Variants in RBSN observed in about 807,000 individuals in gnomAD.
RBSN encodes rabenosyn, RAB effector.
In RBSN, 34 loss-of-function variants were observed where a neutral mutation model predicts 60.5. The ratio of observed to expected loss-of-function variants is 0.56; its 90% CI spans 0.43 to 0.75. The LOEUF (loss-of-function observed/expected upper bound fraction) is 0.75, where lower values mean the gene tolerates loss of function less well. Ranked by LOEUF, RBSN falls within the 30% of genes least tolerant of loss-of-function variation. The pLI is 0.00. For synonymous variants in RBSN, 322 were observed against 366.9 expected, an observed-to-expected ratio of 0.88 and a Z score of 1.40; for missense variants, 845 against 986.8, an observed-to-expected ratio of 0.86 and a Z score of 1.92.
rs1478145484 is a variant in RBSN at position 15,070,947 on chromosome 3, CTGAGTAGCTGGGAT to C, written c.*2821_*2834del. 1 of 152,406 alleles carries C rather than the reference CTGAGTAGCTGGGAT, an allele frequency of 6.6e-6. No individual in the cohort carries two copies. Among genetic ancestry groups the C allele is most frequent in the African/African-American group, 2.4e-5 (1 of 41,412 alleles). The allele number at this position is 152,406 out of a possible 1,614,324, so 9.4% of individuals were successfully genotyped here. A position where few individuals can be genotyped will look rare whatever the true frequency, so the allele number is the denominator to read the frequency against. ...AAGCGATTCTCGTGCCTCAGCCTCC[CTGAGTAGCTGGGAT>C]TACAGGCGTCTGCCACCACGCCCAG... On this transcript the variant is annotated 3_prime_UTR_variant, in exon 14 of 14. Coordinates refer to ENST00000253699, the MANE Select transcript of RBSN (RefSeq NM_022340.4).
At position 15,074,469 on chromosome 3, in the gene RBSN, A is replaced by T. The variant is rs1156396012; in HGVS notation, c.1668T>A (p.Pro556=). 6.2e-7 allele frequency: 1 copy of T among 1,614,196 alleles called. No individual in the cohort carries two copies. ...GCTCTCTGCTGGGCTCCAGCTGAAA[A>T]GGGCCGATTTCTCTGAAGTCCAGGG... The part of the protein sequence containing the change: ...TRSLDFREIG[P]FQLEPSREPR... Residue 556 remains proline (P), a synonymous_variant, in exon 14 of 14, where the codon CCT becomes CCA. Transcript: ENST00000253699. This position sits in a 1 kb window ranked among gnomAD's most constrained non-coding sequence, Gnocchi z 6.4.
In RBSN at chr3:15,073,871, A is replaced by G. The variant is rs1432112821; in HGVS notation, c.2266T>C (p.Cys756Arg). Residue 756 changes from cysteine to arginine, a missense_variant, in exon 14 of 14, where the codon TGC (cysteine) becomes CGC (arginine). Transcript: ENST00000253699. ...IKAYIFDAKQ[C>R]GRLDEVEVLT... ...ACCTCTACCTCATCCAGGCGGCCGC[A>G]CTGCTTGGCATCAAAGATGTATGCC... 6.2e-7 allele frequency: 1 copy of G among 1,613,956 alleles called. No homozygotes were observed. The highest frequency in any genetic ancestry group is 1.7e-5 in the Admixed American group (1 of 60,012).
Position 15,070,213 on chromosome 3 carries a change from GACC to G in RBSN, c.*3566_*3568del, listed in dbSNP as rs1373420416. On this transcript the variant is annotated 3_prime_UTR_variant, in exon 14 of 14. Coordinates refer to ENST00000253699, the MANE Select transcript of RBSN (RefSeq NM_022340.4). ...GCTACAGTCTGTGACCTGGTAAAGA[GACC>G]ACCTTTTCATTTTGAGTCCCATCAC... The G allele has an allele frequency of 6.6e-6, 1 of 152,602 alleles. No homozygotes were observed. Among genetic ancestry groups the G allele is most frequent in the Non-Finnish European group, 1.5e-5 (1 of 68,042 alleles). The allele number at this position is 152,602 out of a possible 1,614,324, so 9.5% of individuals were successfully genotyped here.
At chr3:15,096,754 T>C (rs546479686) in intron 2 of RBSN, 44 bp from the exon 3 acceptor site, 13 of 152,210 alleles carry the variant, frequency 8.5e-5, no homozygotes, top group African/African-American at 2.9e-4. Context: ...GTATCTGCCA[T>C]AAAAACATAC....
intron 2 of RBSN, among the ~76,000 whole-genome samples, chr3:15,097,708 A>G (rs558262692): frequency 1.9e-4 from 29 of 152,210 alleles, no homozygotes; most frequent in Non-Finnish European, 4.0e-4. Flanking sequence ...TTTCTCCCCA[A>G]GAACCTGGGG....
intron 5 of RBSN, among the ~76,000 whole-genome samples, chr3:15,089,456 C>CAAAAAAAAAAAA (rs757156425): frequency 2.9e-4 from 9 of 31,438 alleles, no homozygotes; most frequent in Non-Finnish European, 4.3e-4. Flanking sequence ...ACTCCATCTC[C>CAAAAAAAAAAAA]AAAAAAAAAA....
chr3:15,078,691 C>T (rs866920065), intron 10 of RBSN, among the ~76,000 whole-genome samples: 3 of 141,788 alleles, frequency 2.1e-5, no homozygotes, highest in African/African-American at 5.3e-5. Context: ...AACTGGGAGG[C>T]GGAGGTTGCA....
At chr3:15,095,886 T>C in intron 4 of RBSN, 87 bp downstream of exon 4, 1 of 1,570,154 alleles carries the variant, frequency 6.4e-7, no homozygotes. Context: ...ATCATATTCC[T>C]GTGGCAACAC....
rs776843735 is a variant in RBSN at position 15,074,291 on chromosome 3, T to C, written c.1846A>G (p.Met616Val). 28 of 1,613,864 alleles carry C rather than the reference T, an allele frequency of 1.7e-5. No individual in the cohort carries two copies. Among genetic ancestry groups the C allele is most frequent in the Non-Finnish European group, 2.2e-5 (26 of 1,179,940 alleles). ...VGQERLPQSS[M>V]PQQHEGPSLN... is the part of the protein sequence containing the mutation. ...GAGGGCCCCTCATGTTGCTGTGGCATGCTGCTCTGGGGTAAGCGCTCCTGG... is the reference window on the plus strand; with the variant it reads ...GAGGGCCCCTCATGTTGCTGTGGCACGCTGCTCTGGGGTAAGCGCTCCTGG... Residue 616 changes from methionine to valine, a missense_variant, in exon 14 of 14, where the codon ATG (methionine) becomes GTG (valine). By Grantham distance (21) the Met-to-Val change is conservative. Coordinates refer to ENST00000253699, the MANE Select transcript of RBSN (RefSeq NM_022340.4). The surrounding 1 kb of genome is among the most constrained non-coding windows in gnomAD (Gnocchi z 6.4).
In RBSN at chr3:15,091,492, AT is replaced by A. The variant is rs779646264; in HGVS notation, c.149-954del. The A allele has an allele frequency of 6.8e-5, 87 of 1,287,160 alleles. No homozygotes were observed. The Middle Eastern group carries it at 1.3e-3, about 19-fold the overall frequency. 79.7% of individuals were successfully genotyped at this position (1,287,160 alleles called of 1,614,324 possible). On this transcript the variant is annotated intron_variant, in intron 4 of 13. Transcript: ENST00000253699. ...AAAAGCTTCAAGAAACAGATATAACATCTACAACATAACACAAACAGAACCA... is the reference window on the plus strand; with the variant it reads ...AAAAGCTTCAAGAAACAGATATAACACTACAACATAACACAAACAGAACCA...
In RBSN at chr3:15,084,540, A is replaced by G. The variant is rs1235128443; in HGVS notation, c.598+195T>C. 6.6e-6 allele frequency among the ~76,000 whole-genome samples: 1 copy of G among 152,238 alleles called. No individual in the cohort carries two copies. ...TTTACAAAGTTTGCCAATCCCTGTT[A>G]TAGACCACTGTATCCCTGGCCCCTA... On this transcript the variant is annotated intron_variant, in intron 8 of 13. Coordinates refer to ENST00000253699, the MANE Select transcript of RBSN (RefSeq NM_022340.4). The surrounding 1 kb of genome is among the most constrained non-coding windows in gnomAD (Gnocchi z 4.2).
intron 12 of RBSN, among the ~76,000 whole-genome samples, chr3:15,076,756 T>A (rs549510971): frequency 6.6e-6 from 1 of 152,268 alleles, no homozygotes; most frequent in Non-Finnish European, 1.5e-5. Context: ...GGAAAACGGT[T>A]AAAGAATGGC....
chr3:15,095,197 AT>A (rs1467175032), intron 4 of RBSN, among the ~76,000 whole-genome samples: 10 of 150,254 alleles, frequency 6.7e-5, no homozygotes, highest in African/African-American at 1.7e-4. Flanking sequence ...TTTTTTTTTA[AT>A]TTTTTTTGTG....
At position 15,096,029 on chromosome 3, in the gene RBSN, G is replaced by C. The variant is rs1278417676; in HGVS notation, c.92C>G (p.Ser31Ter). ...CCCTGAGTGTTCTTCCTCGTAATGT[G>C]AGTGAAGCTGATAGAAAGACTGCAG... ...KDLQSFYQLH[S>*]HYEEEHSGED... The change falls in exon 4 of 14, where the codon TCA (serine) becomes TGA (stop). Residue 31 changes from serine (S) to a stop codon, truncating the protein, a stop_gained. Transcript: ENST00000253699. LOFTEE classifies it high-confidence loss of function. 1.2e-6 allele frequency: 2 copies of C among 1,614,072 alleles called. No individual in the cohort carries two copies. The highest frequency in any genetic ancestry group is 2.2e-5 in the East Asian group (1 of 44,894).
rs140260724 is a variant in RBSN at position 15,087,244 on chromosome 3, G to C, written c.290-1283C>G. 4.7e-3 allele frequency among the ~76,000 whole-genome samples: 713 copies of C among 152,262 alleles called. 7 individuals carry two copies. Among genetic ancestry groups the C allele is most frequent in the African/African-American group, 0.016 (677 of 41,526 alleles). On this transcript the variant is annotated intron_variant, in intron 5 of 13. Coordinates refer to ENST00000253699, the MANE Select transcript of RBSN (RefSeq NM_022340.4). ...ATTAACTATAATCAGGCCAGGTGCG[G>C]TGGCTCATGCCTGTAATCCCAGCAC...
rs1048724025 is a variant in RBSN at position 15,099,113 on chromosome 3, G to C, written c.-579C>G. 2.6e-5 allele frequency: 4 copies of C among 152,360 alleles called. No homozygotes were observed. The highest frequency in any genetic ancestry group is 9.6e-5 in the African/African-American group (4 of 41,462). The allele number at this position is 152,360 out of a possible 1,614,324, so 9.4% of individuals were successfully genotyped here. ...CTGGGCCTCCACCGTCCGTCACTCA[G>C]CCGCAGCCGCCATCTCCATCGGTCG... On this transcript the variant is annotated 5_prime_UTR_variant, in exon 1 of 14. Transcript: ENST00000253699.
Position 15,077,068 on chromosome 3 carries a change from A to G in RBSN, c.1095T>C (p.Phe365=). Residue 365 remains phenylalanine (F), a synonymous_variant, in exon 12 of 14, where the codon TTT becomes TTC. Coordinates refer to ENST00000253699, the MANE Select transcript of RBSN (RefSeq NM_022340.4). The surrounding 1 kb of genome is among the most constrained non-coding windows in gnomAD (Gnocchi z 4.4). ...CAACCCAGGATGGCTTTACCTGCACAAAAAGTGTAGCTGAGTATCTGATCA... is the reference window on the plus strand; with the variant it reads ...CAACCCAGGATGGCTTTACCTGCACGAAAAGTGTAGCTGAGTATCTGATCA... ...QRMIRYSATL[F]VQEKLLGLMS... The G allele has an allele frequency of 2.5e-6, 4 of 1,614,134 alleles. No individual in the cohort carries two copies. The South Asian group carries it at 3.3e-5, about 13-fold the overall frequency.
rs749630021 is a variant in RBSN, at chr3:15,074,582, G to A, written c.1555C>T (p.Arg519Trp). The A allele has an allele frequency of 2.2e-5, 36 of 1,614,056 alleles. No individual in the cohort carries two copies. Among genetic ancestry groups the A allele is most frequent in the Admixed American group, 5.0e-5 (3 of 60,004 alleles). ...TCACGCAACATCTGCAGCTGTTCCC[G>A]CTGCAGGTCCTCCTCCTCAGCCTGC... The part of the protein sequence containing the change: ...RRQAEEEDLQ[R>W]EQLQMLRERE... The change falls in exon 14 of 14, where the codon CGG becomes TGG. Residue 519 changes from arginine to tryptophan, a missense_variant. Transcript: ENST00000253699. This position sits in a 1 kb window ranked among gnomAD's most constrained non-coding sequence, Gnocchi z 6.4.
In RBSN at chr3:15,074,739, G is replaced by C. The variant is rs756295565; in HGVS notation, c.1398C>G (p.Ile466Met). ...SDPLLQQIHNITSFIRQAKAA... is the reference protein window; with the variant it reads ...SDPLLQQIHNMTSFIRQAKAA... ...CCTTGGCCTGCCTGATGAATGATGT[G>C]ATGTTGTGGATCTGCTGGAGGAGCG... is the stretch of plus-strand genomic sequence containing the variant. The change falls in exon 14 of 14, where the codon ATC becomes ATG. Residue 466 changes from isoleucine (I) to methionine (M), a missense_variant. Transcript: ENST00000253699. The surrounding 1 kb of genome is among the most constrained non-coding windows in gnomAD (Gnocchi z 6.4). 5.0e-6 allele frequency: 8 copies of C among 1,614,276 alleles called. No individual in the cohort carries two copies. The South Asian group carries it at 8.8e-5, about 18-fold the overall frequency.
Sources: gnomAD v4.1 joint callset for allele counts (sites outside exome capture counted in the v4.1 genomes callset) on GRCh38, gnomAD v4.1.1 for gene constraint, Gnocchi (gnomAD v3.1) non-coding constraint, MANE v1.5 for transcripts, NCBI Gene and HGNC (gene_info 2026-07-23, HGNC 2026-07-21) for gene names.